The following UHRF1 variants were observed in gnomAD, a reference collection of about 807,000 sequenced individuals.
UHRF1 encodes ubiquitin like with PHD and ring finger domains 1.
A neutral mutation model predicts 96.5 loss-of-function variants in UHRF1; 9 were observed. That is an observed-to-expected ratio of 0.09 (90% confidence interval 0.06 to 0.16). UHRF1 has a LOEUF of 0.16. Ranked by LOEUF, UHRF1 falls within the 10% of genes least tolerant of loss-of-function variation. UHRF1 has a pLI of 1.00. For synonymous variants in UHRF1, 455 were observed against 469.9 expected (o/e 0.97, Z 0.41); for missense variants, 626 against 1,131.1 (o/e 0.55, Z 6.40).
At chr19:4,925,204 T>C (rs2032829742) in intron 2 of UHRF1, among the ~76,000 whole-genome samples, 1 of 152,218 alleles carries the variant, frequency 6.6e-6, no homozygotes, top group Admixed American at 6.5e-5. Flanking sequence ...GGTATATTCA[T>C]AGTTGTGTAA....
chr19:4,944,551 ACCAGT>A, intron 9 of UHRF1, 101 bp downstream of exon 9: 1 of 1,295,846 alleles, frequency 7.7e-7, no homozygotes, highest in East Asian at 2.4e-5. Context: ...CAGGGTGGTT[ACCAGT>A]GGTGCCTCGG....
In UHRF1 at chr19:4,910,973, C is replaced by G. The variant is rs763928060; in HGVS notation, c.88C>G (p.Arg30Gly). ...SRLTKVEELRRKIQELFHVEP... is the reference protein window; with the variant it reads ...SRLTKVEELRGKIQELFHVEP... ...GCTGACCAAGGTGGAGGAGCTGAGG[C>G]GGAAGATCCAGGAGCTGTTCCACGT... is the stretch of plus-strand genomic sequence containing the variant. The change falls in exon 2 of 17, where the codon CGG becomes GGG. Residue 30 changes from arginine (R) to glycine (G), a missense_variant. Arg to Gly is a moderately radical substitution (Grantham distance 125). This residue lies in a region of UHRF1 where 32 missense variants were observed against 46.8 expected (regional missense o/e 0.68). Transcript: ENST00000650932. The G allele has an allele frequency of 6.2e-7, 1 of 1,613,042 alleles. No homozygotes were observed. The highest frequency in any genetic ancestry group is 1.3e-5 in the African/African-American group (1 of 74,898).
intron 15 of UHRF1, among the ~76,000 whole-genome samples, 190 bp downstream of exon 15, chr19:4,955,012 C>T (rs2033819539): frequency 6.6e-6 from 1 of 152,088 alleles, no homozygotes; most frequent in Admixed American, 6.5e-5. Context: ...GAAACCCTGG[C>T]CCTGAAACTG....
rs757137506 is a variant in UHRF1 at position 4,941,552 on chromosome 19, G to T, written c.810G>T (p.Arg270=). Residue 270 remains arginine (R), a synonymous_variant, in exon 6 of 17, where the codon CGG becomes CGT. Coordinates refer to ENST00000650932, the MANE Select transcript of UHRF1 (RefSeq NM_001048201.3). ...VLGDDSLNDC[R]IIFVDEVFKI... ...GGGATGATTCTCTGAACGACTGTCGGATCATCTTCGTGGACGAAGTCTTCA... is the reference window on the plus strand; with the variant it reads ...GGGATGATTCTCTGAACGACTGTCGTATCATCTTCGTGGACGAAGTCTTCA... The T allele has an allele frequency of 1.9e-6, 3 of 1,613,498 alleles. No homozygotes were observed. Among genetic ancestry groups the T allele is most frequent in the Non-Finnish European group, 2.5e-6 (3 of 1,179,748 alleles).
intron 5 of UHRF1, among the ~76,000 whole-genome samples, chr19:4,937,885 C>T (rs760197801): frequency 7.9e-5 from 12 of 152,056 alleles, no homozygotes; most frequent in Admixed American, 6.5e-5. Flanking sequence ...GTGCAGTGGC[C>T]GATGCCTGTA....
chr19:4,939,821 G>A (rs758692221), intron 5 of UHRF1, among the ~76,000 whole-genome samples: 2 of 152,130 alleles, frequency 1.3e-5, no homozygotes, highest in Non-Finnish European at 2.9e-5. Context: ...TCAGGAGATC[G>A]AGACCATCCT....
upstream of UHRF1, among the ~76,000 whole-genome samples, chr19:4,906,378 G>A (rs141152108): frequency 6.6e-6 from 1 of 152,152 alleles, no homozygotes; most frequent in African/African-American, 2.4e-5. Context: ...TTTCTGCAGG[G>A]AGGGCTAGAT....
chr19:4,931,917 C>G (rs994299669), intron 4 of UHRF1, among the ~76,000 whole-genome samples: 10 of 151,906 alleles, frequency 6.6e-5, no homozygotes, highest in African/African-American at 2.4e-4. Context: ...TGCACCACTG[C>G]GCCCAGCTAA....
At position 4,932,150 on chromosome 19, in the gene UHRF1, C is replaced by T. The variant is rs565059650; in HGVS notation, c.570-591C>T. Among the ~76,000 whole-genome samples, 30 of 152,168 alleles carry T rather than the reference C, an allele frequency of 2.0e-4. 1 individual carries two copies. Among genetic ancestry groups the T allele is most frequent in the Admixed American group, 1.1e-3 (17 of 15,278 alleles). ...TCCATGTTGGCTGGTCTCCAACTTC[C>T]GACCTCAGATGATCTGCCTGCCTCA... On this transcript the variant is annotated intron_variant, in intron 4 of 16. Coordinates refer to ENST00000650932, the MANE Select transcript of UHRF1 (RefSeq NM_001048201.3).
At chr19:4,909,697 C>T in intron 1 of UHRF1, 42 bp downstream of exon 1, 1 of 507,288 alleles carries the variant, frequency 2.0e-6, no homozygotes, top group Admixed American at 4.3e-5. Context: ...CCGGGCCGGG[C>T]GCACGGGGCT....
chr19:4,948,859 C>T (rs1455871614), intron 11 of UHRF1, among the ~76,000 whole-genome samples: 2 of 150,986 alleles, frequency 1.3e-5, no homozygotes, highest in African/African-American at 4.9e-5. Flanking sequence ...CGTGGTGGCT[C>T]ACGCCTGTAA....
At chr19:4,927,146 G>A (rs1026354524) in intron 2 of UHRF1, among the ~76,000 whole-genome samples, 7 of 152,048 alleles carry the variant, frequency 4.6e-5, no homozygotes, top group South Asian at 2.1e-4. Flanking sequence ...TTGGGAGGCC[G>A]AGGTGGGTGG....
At chr19:4,939,836 A>G (rs573254429) in intron 5 of UHRF1, among the ~76,000 whole-genome samples, 60 of 152,278 alleles carry the variant, frequency 3.9e-4, no homozygotes, top group African/African-American at 1.4e-3. Context: ...CATCCTGGCA[A>G]ACACGGTGAA....
chr19:4,937,565 T>TAGAG (rs879897730), intron 5 of UHRF1, among the ~76,000 whole-genome samples: 7 of 152,102 alleles, frequency 4.6e-5, no homozygotes, highest in Non-Finnish European at 1.0e-4. Context: ...GGTTTCTCCA[T>TAGAG]GTTGGCCAGG....
At chr19:4,956,303 G>A (rs1042428633) in intron 15 of UHRF1, among the ~76,000 whole-genome samples, 1 of 152,180 alleles carries the variant, frequency 6.6e-6, no homozygotes, top group East Asian at 1.9e-4. Context: ...TGGCTCAAGC[G>A]ATCCTCTTGT....
chr19:4,926,894 C>T (rs901705384), intron 2 of UHRF1, among the ~76,000 whole-genome samples: 2 of 152,104 alleles, frequency 1.3e-5, no homozygotes, highest in African/African-American at 4.8e-5. Context: ...GAAACCCCAC[C>T]TCTACTAAAA....
intron 2 of UHRF1, among the ~76,000 whole-genome samples, chr19:4,927,841 A>C (rs1453919542): frequency 6.6e-6 from 1 of 152,190 alleles, no homozygotes; most frequent in Non-Finnish European, 1.5e-5. Context: ...TAGGTCGAGA[A>C]ACCTGTATTA....
At chr19:4,958,781 G>A (rs576113662) in intron 16 of UHRF1, among the ~76,000 whole-genome samples, 2 of 151,948 alleles carry the variant, frequency 1.3e-5, no homozygotes, top group Admixed American at 6.6e-5. Context: ...AGACCAGCCC[G>A]GGCAACATGG....
rs764505851 is a variant in UHRF1 at position 4,930,789 on chromosome 19, G to A, written c.482G>A (p.Arg161Gln). Residue 161 changes from arginine (R) to glutamine (Q), a missense_variant, in exon 4 of 17, where the codon CGG becomes CAG. Physicochemically the swap from Arg to Gln is conservative, Grantham distance 43. Transcript: ENST00000650932. This position sits in a 1 kb window ranked among gnomAD's most constrained non-coding sequence, Gnocchi z 4.4. ...GAGGCGCAGGTGGTCAGGGTGACGC[G>A]GAAGGCCCCCTCCCGGGACGAGCCC... Reference protein sequence around the residue: ...WFEAQVVRVTRKAPSRDEPCS... With the variant: ...WFEAQVVRVTQKAPSRDEPCS... The A allele has an allele frequency of 2.9e-5, 47 of 1,613,834 alleles. No individual in the cohort carries two copies. Among genetic ancestry groups the A allele is most frequent in the Non-Finnish European group, 3.1e-5 (37 of 1,179,880 alleles).
Sources: gnomAD v4.1 joint callset for allele counts (sites outside exome capture counted in the v4.1 genomes callset) on GRCh38, gnomAD v4.1.1 for gene constraint, gnomAD v4.1.1 regional missense constraint, Gnocchi (gnomAD v3.1) non-coding constraint, MANE v1.5 for transcripts, NCBI Gene and HGNC (gene_info 2026-07-23, HGNC 2026-07-21) for gene names.